The following TRAPPC9 variants were observed in gnomAD, a reference collection of about 807,000 sequenced individuals.
The protein encoded by TRAPPC9 is IKK2 binding protein.
In TRAPPC9, 83 loss-of-function variants were observed where a neutral mutation model predicts 124.0. The observed-to-expected ratio is 0.67, with a 90% CI of 0.56 to 0.80. The LOEUF (loss-of-function observed/expected upper bound fraction) is 0.80, where lower values mean the gene tolerates loss of function less well. Among genes scored for constraint, TRAPPC9 ranks in the 30% least tolerant of loss-of-function variants. TRAPPC9 has a pLI of 0.00. For synonymous variants in TRAPPC9, 638 were observed against 617.5 expected (o/e 1.03, Z -0.49); for missense variants, 1,302 against 1,508.3 (o/e 0.86, Z 2.27).
chr8:139,842,315 T>C (rs572828666), intron 21 of TRAPPC9, among the ~76,000 whole-genome samples: 8 of 152,344 alleles, frequency 5.3e-5, no homozygotes, highest in African/African-American at 1.9e-4. Context: ...GCTTCCCACC[T>C]GTGGAAACTT....
chr8:139,839,216 A>G (rs576293135), intron 21 of TRAPPC9, among the ~76,000 whole-genome samples: 1 of 152,334 alleles, frequency 6.6e-6, no homozygotes, highest in Admixed American at 6.5e-5. Context: ...GCAAATGCTG[A>G]GCACCTGCCA....
intron 9 of TRAPPC9, among the ~76,000 whole-genome samples, chr8:140,339,012 C>A (rs2067122300): frequency 6.9e-6 from 1 of 144,120 alleles, no homozygotes; most frequent in Admixed American, 6.9e-5. Flanking sequence ...ACCAACGCCA[C>A]CAGACGGCCA....
At chr8:139,965,410 G>A (rs564678231) in intron 19 of TRAPPC9, among the ~76,000 whole-genome samples, 25 of 152,208 alleles carry the variant, frequency 1.6e-4, no homozygotes, top group Non-Finnish European at 2.9e-4. Flanking sequence ...CACCTCATTA[G>A]CTTCCTTTGA....
intron 2 of TRAPPC9, among the ~76,000 whole-genome samples, chr8:140,448,367 T>C (rs1162238125): frequency 6.6e-6 from 1 of 152,216 alleles, no homozygotes; most frequent in Non-Finnish European, 1.5e-5. Context: ...GCCTGGCATA[T>C]GAAGGCTCTA....
At chr8:140,129,227 G>C (rs955506880) in intron 17 of TRAPPC9, among the ~76,000 whole-genome samples, 4 of 152,116 alleles carry the variant, frequency 2.6e-5, no homozygotes, top group Non-Finnish European at 4.4e-5. Flanking sequence ...GGTGAGGCAG[G>C]GCAGGCAGGT....
rs1490610319 is a variant in TRAPPC9 at position 139,961,788 on chromosome 8, C to T, written c.2810+26938G>A. 1.6e-5 allele frequency among the ~76,000 whole-genome samples: 2 copies of T among 123,958 alleles called. 1 individual carries two copies. The highest frequency in any genetic ancestry group is 3.9e-5 in the Non-Finnish European group (2 of 51,942). The allele number at this position is 123,958 out of a possible 152,430, so 81.3% of individuals were successfully genotyped here. ...CTCTTCTGGACCCACCCATGGCTGC[C>T]TATGGACCAGTCGGCAGGCACTTCC... On this transcript the variant is annotated intron_variant, in intron 19 of 22. Transcript: ENST00000438773.
At chr8:139,737,973 T>C (rs1196883482) in intron 21 of TRAPPC9, among the ~76,000 whole-genome samples, 3 of 152,166 alleles carry the variant, frequency 2.0e-5, no homozygotes, top group African/African-American at 4.8e-5. Flanking sequence ...CTGTGAACAC[T>C]GACGAAGCTC....
intron 17 of TRAPPC9, among the ~76,000 whole-genome samples, chr8:140,205,357 G>C (rs1026613014): frequency 1.3e-5 from 2 of 152,132 alleles, no homozygotes; most frequent in African/African-American, 4.8e-5. Flanking sequence ...TGCTTTGTAA[G>C]AACAAGAACC....
At chr8:140,067,898 G>A (rs1337444666) in intron 17 of TRAPPC9, among the ~76,000 whole-genome samples, 2 of 152,198 alleles carry the variant, frequency 1.3e-5, no homozygotes, top group Non-Finnish European at 2.9e-5. Context: ...AAGAAGAACT[G>A]AGGCACGCAT....
chr8:140,399,082 T>C (rs56213255), intron 6 of TRAPPC9, among the ~76,000 whole-genome samples: 5,195 of 152,268 alleles, frequency 0.034, 187 homozygotes, highest in African/African-American at 0.091. Flanking sequence ...TGGTGTTGAG[T>C]GTGTGGGTGC....
At chr8:139,831,119 G>C (rs561879190) in intron 21 of TRAPPC9, among the ~76,000 whole-genome samples, 1 of 152,346 alleles carries the variant, frequency 6.6e-6, no homozygotes, top group South Asian at 2.1e-4. Context: ...TGGGCAAACA[G>C]GAGAGAGGGC....
chr8:140,349,091 G>A (rs541035037), intron 9 of TRAPPC9, among the ~76,000 whole-genome samples: 179 of 145,202 alleles, frequency 1.2e-3, no homozygotes, highest in African/African-American at 4.2e-3. Flanking sequence ...GGGCGTGCGA[G>A]GGAAGGGCAA....
intron 17 of TRAPPC9, among the ~76,000 whole-genome samples, chr8:140,076,638 C>A (rs1563742443): frequency 6.6e-6 from 1 of 152,306 alleles, no homozygotes; most frequent in African/African-American, 2.4e-5. Flanking sequence ...TCCTAGGCCA[C>A]TCACTGTGAG....
rs1400223098 is a variant in TRAPPC9, at chr8:140,036,842, T to A, written c.2557-12763A>T. ...AATCATCACGATCACATTATTGTTATTTTTTTTATTTTTTTAAATTGTACT... is the reference window on the plus strand; with the variant it reads ...AATCATCACGATCACATTATTGTTAATTTTTTTATTTTTTTAAATTGTACT... On this transcript the variant is annotated intron_variant, in intron 17 of 22. Transcript: ENST00000438773. 2.0e-5 allele frequency among the ~76,000 whole-genome samples: 3 copies of A among 152,006 alleles called. No individual in the cohort carries two copies. In the South Asian group the frequency reaches 6.2e-4, roughly 32 times the overall value.
At chr8:139,751,754 C>T (rs1269884558) in intron 21 of TRAPPC9, among the ~76,000 whole-genome samples, 3 of 148,506 alleles carry the variant, frequency 2.0e-5, no homozygotes, top group Non-Finnish European at 4.5e-5. Context: ...TCCATCCATC[C>T]TCCAGCAGAC....
At chr8:139,980,446 C>A (rs1287683565) in intron 19 of TRAPPC9, among the ~76,000 whole-genome samples, 2 of 152,164 alleles carry the variant, frequency 1.3e-5, no homozygotes, top group Non-Finnish European at 2.9e-5. Flanking sequence ...AACAAAAGTC[C>A]CGGAATGCCT....
chr8:139,917,469 C>T (rs1223113228), intron 19 of TRAPPC9, among the ~76,000 whole-genome samples: 7 of 152,036 alleles, frequency 4.6e-5, no homozygotes, highest in Non-Finnish European at 1.0e-4. Context: ...CTTGAGCCAC[C>T]GCACCCGGCC....
intron 17 of TRAPPC9, among the ~76,000 whole-genome samples, chr8:140,129,005 T>TATATATATATATAAA (rs1563783126): frequency 7.4e-6 from 1 of 134,754 alleles, no homozygotes; most frequent in Non-Finnish European, 1.6e-5. Context: ...ATATATATAT[T>TATATATATATATAAA]AAAAAAAAAA....
In TRAPPC9 at chr8:140,427,354, A is replaced by ATC. The variant is rs1417537384; in HGVS notation, c.860-715_860-714dup. 1.8e-4 allele frequency among the ~76,000 whole-genome samples: 27 copies of ATC among 149,698 alleles called. No homozygotes were observed. The South Asian group carries it at 1.9e-3, about 11-fold the overall frequency. The stretch of plus-strand genomic sequence containing the variant: ...ACTTTTCACAACCCCCCTAAAATAC[A>ATC]TCTCTCTATATATATATCTCTCTCT... On this transcript the variant is annotated intron_variant, in intron 4 of 22. Coordinates refer to ENST00000438773, the MANE Select transcript of TRAPPC9 (RefSeq NM_001160372.4).
Sources: allele counts gnomAD v4.1 joint callset (sites outside exome capture counted in the v4.1 genomes callset), GRCh38; gene constraint gnomAD v4.1.1; transcripts MANE v1.5; gene names NCBI Gene and HGNC (gene_info 2026-07-23, HGNC 2026-07-21).